RPRD2: variants seen among roughly 807,000 people sequenced by gnomAD.
RPRD2 encodes the protein regulation of nuclear pre-mRNA domain-containing protein 2.
A neutral mutation model predicts 104.4 loss-of-function variants in RPRD2; 12 were observed. That is an observed-to-expected ratio of 0.11 (90% CI 0.07 to 0.19). The LOEUF (loss-of-function observed/expected upper bound fraction) is 0.19, where lower values mean the gene tolerates loss of function less well. RPRD2 is among the 10% of genes least tolerant of loss of function. The pLI is 1.00. For synonymous variants in RPRD2, 714 were observed against 684.9 expected (o/e 1.04, Z -0.66); for missense variants, 1,543 against 1,790.1 (o/e 0.86, Z 2.49).
At chr1:150,467,204 C>G (rs1482410542) in intron 10 of RPRD2, among the ~76,000 whole-genome samples, 1 of 152,068 alleles carries the variant, frequency 6.6e-6, no homozygotes, top group Non-Finnish European at 1.5e-5. Context: ...TCTGGAGGTG[C>G]AGAAGAATTT....
intron 8 of RPRD2, among the ~76,000 whole-genome samples, chr1:150,459,053 A>C (rs1184415446): frequency 1.3e-5 from 2 of 152,216 alleles, no homozygotes; most frequent in Non-Finnish European, 2.9e-5. Context: ...ATGAGGGGTC[A>C]CTTATACTGG....
chr1:150,466,542 T>G (rs1560226887), intron 10 of RPRD2, among the ~76,000 whole-genome samples: 1 of 123,240 alleles, frequency 8.1e-6, no homozygotes, highest in Admixed American at 7.8e-5. Flanking sequence ...AGACCCTGCC[T>G]CAAAAAAAAA....
intron 7 of RPRD2, among the ~76,000 whole-genome samples, chr1:150,455,199 T>C (rs1447460294): frequency 6.6e-6 from 1 of 152,106 alleles, no homozygotes; most frequent in Admixed American, 6.5e-5. Context: ...ACTGTCAAGA[T>C]CGTCAAAACC....
intron 1 of RPRD2, among the ~76,000 whole-genome samples, chr1:150,367,583 G>GTAAT (rs71578487): frequency 6.6e-6 from 1 of 151,474 alleles, no homozygotes; most frequent in African/African-American, 2.4e-5. Context: ...ATAAATTTAA[G>GTAAT]TAACTATTAG....
At position 150,460,329 on chromosome 1, in the gene RPRD2, C is replaced by A. The variant is rs1553898570; in HGVS notation, c.1411+12C>A. On this transcript the variant is annotated intron_variant, in intron 9 of 10. Coordinates refer to ENST00000369068, the MANE Select transcript of RPRD2 (RefSeq NM_015203.5). ...CATGAAAAATACTGGTAAGTAAGCCCAGTAAGGAGGATAAAAAGTTAATTT... is the reference window on the plus strand; with the variant it reads ...CATGAAAAATACTGGTAAGTAAGCCAAGTAAGGAGGATAAAAAGTTAATTT... The A allele has an allele frequency of 1.3e-6, 2 of 1,599,144 alleles. No individual in the cohort carries two copies. Among genetic ancestry groups the A allele is most frequent in the East Asian group, 2.2e-5 (1 of 44,608 alleles).
intron 1 of RPRD2, among the ~76,000 whole-genome samples, chr1:150,414,335 T>G (rs1191049143): frequency 2.0e-5 from 3 of 152,212 alleles, no homozygotes; most frequent in African/African-American, 7.2e-5. Context: ...GTTGTCATTT[T>G]ACAAAGGAAA....
At position 150,376,473 on chromosome 1, in the gene RPRD2, A is replaced by C. The variant is rs116678125; in HGVS notation, c.205+11554A>C. Among the ~76,000 whole-genome samples, 1,081 of 151,678 alleles carry C rather than the reference A, an allele frequency of 7.1e-3. 15 individuals are homozygous for C. The highest frequency in any genetic ancestry group is 0.025 in the African/African-American group (1,016 of 41,388). ...GTTTTTGTGTTCCTTTACTGTCATCATAGTTTTAGAGTGTAGCATGATACA... is the reference window on the plus strand; with the variant it reads ...GTTTTTGTGTTCCTTTACTGTCATCCTAGTTTTAGAGTGTAGCATGATACA... On this transcript the variant is annotated intron_variant, in intron 1 of 10. Coordinates refer to ENST00000369068, the MANE Select transcript of RPRD2 (RefSeq NM_015203.5).
intron 7 of RPRD2, among the ~76,000 whole-genome samples, chr1:150,455,229 C>T (rs1179739181): frequency 2.0e-5 from 3 of 152,168 alleles, no homozygotes; most frequent in Admixed American, 2.0e-4. Context: ...CCAGGCCGGG[C>T]GCGATGGCTT....
intron 2 of RPRD2, among the ~76,000 whole-genome samples, chr1:150,429,649 T>A (rs1263491926): frequency 6.6e-6 from 1 of 152,178 alleles, no homozygotes; most frequent in Non-Finnish European, 1.5e-5. Context: ...AAGAAAATGA[T>A]AATATCCTGT....
At chr1:150,450,977 C>T (rs587613651) in intron 7 of RPRD2, among the ~76,000 whole-genome samples, 18 of 152,100 alleles carry the variant, frequency 1.2e-4, no homozygotes, top group African/African-American at 4.1e-4. Context: ...TCCTCAGAAC[C>T]GATTCATATT....
At position 150,401,032 on chromosome 1, in the gene RPRD2, C is replaced by T. The variant is rs1055233568; in HGVS notation, c.206-16564C>T. On this transcript the variant is annotated intron_variant, in intron 1 of 10. Transcript: ENST00000369068. ...TCTACTAAAACTACAGAAAATTAGC[C>T]GGGTGTGGTGGCGGGCACCTGTAGT... Among the ~76,000 whole-genome samples the T allele has an allele frequency of 4.6e-5, 7 of 151,966 alleles. 1 individual carries two copies. Among genetic ancestry groups the T allele is most frequent in the Admixed American group, 3.3e-4 (5 of 15,254 alleles).
intron 1 of RPRD2, among the ~76,000 whole-genome samples, chr1:150,392,011 G>A (rs1662111773): frequency 6.6e-6 from 1 of 151,846 alleles, no homozygotes; most frequent in Non-Finnish European, 1.5e-5. Flanking sequence ...AAATGTTTGT[G>A]TGTTGCTCAA....
At position 150,471,940 on chromosome 1, in the gene RPRD2, G is replaced by A. The variant is rs1291547363; in HGVS notation, c.2992G>A (p.Ala998Thr). ...CACGTCAGGCGTGGAGAAAGTCCTG[G>A]CCTCCACCATTTCCACCACGTCGAC... ...PPTSGVEKVL[A>T]STISTTSTIE... The change falls in exon 11 of 11, where the codon GCC becomes ACC. Residue 998 changes from alanine to threonine, a missense_variant. Coordinates refer to ENST00000369068, the MANE Select transcript of RPRD2 (RefSeq NM_015203.5). The surrounding 1 kb of genome is among the most constrained non-coding windows in gnomAD (Gnocchi z 5.3). The A allele has an allele frequency of 6.2e-7, 1 of 1,613,888 alleles. No homozygotes were observed. The highest frequency in any genetic ancestry group is 1.7e-5 in the Admixed American group (1 of 60,000).
chr1:150,390,414 G>A (rs935577544), intron 1 of RPRD2, among the ~76,000 whole-genome samples: 2 of 152,086 alleles, frequency 1.3e-5, no homozygotes, highest in Non-Finnish European at 2.9e-5. Context: ...CAGGAGAATC[G>A]CTTGAATCTG....
intron 6 of RPRD2, among the ~76,000 whole-genome samples, chr1:150,445,277 A>G (rs1666682198): frequency 6.6e-6 from 1 of 152,232 alleles, no homozygotes; most frequent in South Asian, 2.1e-4. Context: ...ATCACATGAG[A>G]GATCTGAGGT....
rs939495100 is a variant in RPRD2, at chr1:150,475,674, C to G, written c.*2340C>G. On this transcript the variant is annotated 3_prime_UTR_variant, in exon 11 of 11. Coordinates refer to ENST00000369068, the MANE Select transcript of RPRD2 (RefSeq NM_015203.5). The stretch of plus-strand genomic sequence containing the variant: ...TGTCAGCTATTAATTTTAAGGAAAT[C>G]TTAAAATTTACATTTACATCAGTAA... 1 of 152,398 alleles carries G rather than the reference C, an allele frequency of 6.6e-6. No individual in the cohort carries two copies. Among genetic ancestry groups the G allele is most frequent in the Admixed American group, 6.6e-5 (1 of 15,252 alleles). 9.4% of individuals were successfully genotyped at this position (152,398 alleles called of 1,614,324 possible).
chr1:150,366,899 C>T (rs1659884754), intron 1 of RPRD2, among the ~76,000 whole-genome samples: 1 of 152,204 alleles, frequency 6.6e-6, no homozygotes, highest in Non-Finnish European at 1.5e-5. Context: ...AAGTTGGTCC[C>T]TGTCCCGTCT....
At position 150,471,048 on chromosome 1, in the gene RPRD2, A is replaced by G; in HGVS notation, c.2100A>G (p.Pro700=). ...PILSSLGSSA[P]SESHPSDFQR... Reference sequence around the variant, plus strand: ...TGAGCAGTTTGGGGTCCAGCGCCCCATCAGAGAGCCATCCCTCAGACTTCC... The same window carrying G: ...TGAGCAGTTTGGGGTCCAGCGCCCCGTCAGAGAGCCATCCCTCAGACTTCC... Residue 700 remains proline (P), a synonymous_variant, in exon 11 of 11, where the codon CCA becomes CCG. Coordinates refer to ENST00000369068, the MANE Select transcript of RPRD2 (RefSeq NM_015203.5). The surrounding 1 kb of genome is among the most constrained non-coding windows in gnomAD (Gnocchi z 5.3). 6.2e-7 allele frequency: 1 copy of G among 1,614,008 alleles called. No homozygotes were observed. Among genetic ancestry groups the G allele is most frequent in the Non-Finnish European group, 8.5e-7 (1 of 1,179,888 alleles).
At chr1:150,400,178 C>T (rs1662864380) in intron 1 of RPRD2, among the ~76,000 whole-genome samples, 1 of 151,956 alleles carries the variant, frequency 6.6e-6, no homozygotes, top group Non-Finnish European at 1.5e-5. Context: ...ATTTAATTTC[C>T]CCGTTTGTTG....
Sources: allele counts gnomAD v4.1 joint callset (sites outside exome capture counted in the v4.1 genomes callset), GRCh38; gene constraint gnomAD v4.1.1; non-coding constraint Gnocchi (gnomAD v3.1); transcripts MANE v1.5; gene names NCBI Gene and HGNC (gene_info 2026-07-23, HGNC 2026-07-21).